Variants in MAGI2 observed in about 807,000 individuals in gnomAD.
MAGI2 encodes the protein membrane-associated guanylate kinase, WW and PDZ domain-containing protein 2.
Under a neutral mutation model 133.3 loss-of-function variants are expected in MAGI2, and 35 were observed. That is an observed-to-expected ratio of 0.26 (90% confidence interval 0.20 to 0.35). The LOEUF is 0.35. Among genes scored for constraint, MAGI2 ranks in the 10% least tolerant of loss-of-function variants. The pLI is 1.00. For synonymous variants in MAGI2, 729 were observed against 710.6 expected, an observed-to-expected ratio of 1.03 and a Z score of -0.41; for missense variants, 1,636 against 1,863.4, an observed-to-expected ratio of 0.88 and a Z score of 2.25.
At chr7:78,080,472 T>C (rs187939266) in intron 20 of MAGI2, among the ~76,000 whole-genome samples, 8 of 152,340 alleles carry the variant, frequency 5.3e-5, no homozygotes, top group Admixed American at 1.3e-4. Flanking sequence ...CTTGAATAGT[T>C]TGCCAGAGGC....
intron 2 of MAGI2, among the ~76,000 whole-genome samples, chr7:78,923,159 TG>T (rs1799398879): frequency 6.6e-6 from 1 of 152,186 alleles, no homozygotes; most frequent in African/African-American, 2.4e-5. Flanking sequence ...TTCACACTGA[TG>T]GTAGTTTCTT....
chr7:78,277,876 G>A (rs150046373), intron 9 of MAGI2, among the ~76,000 whole-genome samples: 2 of 152,204 alleles, frequency 1.3e-5, no homozygotes, highest in African/African-American at 4.8e-5. Flanking sequence ...GTAGGGAGAG[G>A]TAGAAAATGC....
At chr7:79,438,108 T>C (rs1364466234) in intron 1 of MAGI2, among the ~76,000 whole-genome samples, 1 of 152,106 alleles carries the variant, frequency 6.6e-6, no homozygotes, top group Non-Finnish European at 1.5e-5. Flanking sequence ...GCTATTACTG[T>C]AAAAACAATA....
At chr7:78,275,153 T>G (rs149366362) in intron 9 of MAGI2, among the ~76,000 whole-genome samples, 1 of 152,314 alleles carries the variant, frequency 6.6e-6, no homozygotes, top group Non-Finnish European at 1.5e-5. Context: ...CTGGAGTGCA[T>G]TGTTCCTCCT....
At chr7:78,875,449 C>G (rs573850687) in intron 2 of MAGI2, among the ~76,000 whole-genome samples, 2 of 152,276 alleles carry the variant, frequency 1.3e-5, no homozygotes, top group African/African-American at 4.8e-5. Context: ...ACTACACAGG[C>G]TCAGAAGACC....
chr7:78,911,098 C>T (rs558969474), intron 2 of MAGI2, among the ~76,000 whole-genome samples: 1 of 152,190 alleles, frequency 6.6e-6, no homozygotes, highest in East Asian at 1.9e-4. Context: ...TTACTTTTTA[C>T]TTTTAGAATT....
intron 9 of MAGI2, among the ~76,000 whole-genome samples, chr7:78,280,800 G>A (rs966568115): frequency 3.8e-5 from 5 of 133,034 alleles, no homozygotes; most frequent in African/African-American, 8.8e-5. Context: ...TCCCTCCCCC[G>A]ACCATCTGCA....
chr7:79,325,015 G>T (rs1456371548), intron 1 of MAGI2, among the ~76,000 whole-genome samples: 1 of 151,774 alleles, frequency 6.6e-6, no homozygotes, highest in African/African-American at 2.4e-5. Context: ...CTAAGGTGTA[G>T]CTTGGTCTAT....
At chr7:78,399,303 G>A (rs935411142) in intron 6 of MAGI2, among the ~76,000 whole-genome samples, 12 of 152,156 alleles carry the variant, frequency 7.9e-5, no homozygotes, top group Non-Finnish European at 1.5e-4. Context: ...TCAACCTAAT[G>A]CTATACACAC....
At chr7:79,095,938 T>C (rs1584918478) in intron 1 of MAGI2, among the ~76,000 whole-genome samples, 1 of 152,124 alleles carries the variant, frequency 6.6e-6, no homozygotes, top group Non-Finnish European at 1.5e-5. Context: ...CGACAGTATC[T>C]GGGAAGTGCA....
At chr7:79,191,956 C>CA (rs1827711917) in intron 1 of MAGI2, among the ~76,000 whole-genome samples, 1 of 151,774 alleles carries the variant, frequency 6.6e-6, no homozygotes, top group Non-Finnish European at 1.5e-5. Context: ...CTATTTGTAT[C>CA]AAATAGAATC....
At chr7:78,517,223 CAATCTGT>C (rs922473818) in intron 4 of MAGI2, among the ~76,000 whole-genome samples, 1 of 139,494 alleles carries the variant, frequency 7.2e-6, no homozygotes, top group African/African-American at 2.5e-5. Flanking sequence ...GGTTCAAAAA[CAATCTGT>C]AAGATGATGT....
chr7:78,716,026 G>A (rs191564934), intron 2 of MAGI2, among the ~76,000 whole-genome samples: 1 of 152,274 alleles, frequency 6.6e-6, no homozygotes, highest in Admixed American at 6.5e-5. Context: ...AGTCAGATAA[G>A]CTGAGACTAG....
intron 6 of MAGI2, among the ~76,000 whole-genome samples, chr7:78,371,734 T>C (rs1793938378): frequency 6.6e-6 from 1 of 152,036 alleles, no homozygotes; most frequent in African/African-American, 2.4e-5. Flanking sequence ...TTAGGGAGAA[T>C]CTACTTTATT....
At chr7:78,560,792 T>C (rs1404974096) in intron 3 of MAGI2, among the ~76,000 whole-genome samples, 1 of 152,176 alleles carries the variant, frequency 6.6e-6, no homozygotes, top group Non-Finnish European at 1.5e-5. Flanking sequence ...CTTATAAAGC[T>C]GGATTATCTG....
chr7:79,160,801 C>T (rs554076715), intron 1 of MAGI2, among the ~76,000 whole-genome samples: 48 of 152,158 alleles, frequency 3.2e-4, no homozygotes, highest in African/African-American at 1.2e-3. Context: ...ATCAGACAGG[C>T]TTTATGATAA....
At chr7:78,386,121 T>G (rs1423065106) in intron 6 of MAGI2, among the ~76,000 whole-genome samples, 1 of 152,118 alleles carries the variant, frequency 6.6e-6, no homozygotes, top group Non-Finnish European at 1.5e-5. Flanking sequence ...AAGGACTAGA[T>G]TAAACATCAG....
At chr7:78,121,527 A>T (rs529405005) in intron 20 of MAGI2, among the ~76,000 whole-genome samples, 1 of 152,244 alleles carries the variant, frequency 6.6e-6, no homozygotes, top group Non-Finnish European at 1.5e-5. Flanking sequence ...AAGAAATGCA[A>T]ATCCAAATCT....
At chr7:79,154,459 C>CAAAT (rs776746649) in intron 1 of MAGI2, among the ~76,000 whole-genome samples, 1 of 152,140 alleles carries the variant, frequency 6.6e-6, no homozygotes, top group African/African-American at 2.4e-5. Context: ...AGTAAAAGCA[C>CAAAT]AAATAAATTG....
Sources: gnomAD v4.1 joint callset for allele counts (sites outside exome capture counted in the v4.1 genomes callset) on GRCh38, gnomAD v4.1.1 for gene constraint, MANE v1.5 for transcripts, NCBI Gene and HGNC (gene_info 2026-07-23, HGNC 2026-07-21) for gene names.